CHRM2: variants seen among roughly 807,000 people sequenced by gnomAD.
CHRM2 encodes the protein cholinergic receptor muscarinic 2, also known as muscarinic acetylcholine receptor M2.
Under a neutral mutation model 25.0 loss-of-function variants are expected in CHRM2, and 8 were observed. That is an observed-to-expected ratio of 0.32 (90% CI 0.19 to 0.58). The LOEUF is 0.58. Among genes scored for constraint, CHRM2 ranks in the 20% least tolerant of loss-of-function variants. The probability of loss-of-function intolerance (pLI) is 0.88; values close to 1 mark genes in which losing one functional copy is unlikely to be tolerated. For synonymous variants in CHRM2, 202 were observed against 205.7 expected, an observed-to-expected ratio of 0.98 and a Z score of 0.15; for missense variants, 440 against 567.1, an observed-to-expected ratio of 0.78 and a Z score of 2.28.
chr7:136,920,694 T>C (rs1425817893), intron 2 of CHRM2, among the ~76,000 whole-genome samples: 1 of 152,124 alleles, frequency 6.6e-6, no homozygotes, highest in East Asian at 1.9e-4. Context: ...CACCTTAAGC[T>C]CATCACACCT....
At chr7:136,944,727 G>A (rs1799970644) in intron 2 of CHRM2, among the ~76,000 whole-genome samples, 1 of 151,986 alleles carries the variant, frequency 6.6e-6, no homozygotes, top group African/African-American at 2.4e-5. Flanking sequence ...TCTACTTTTA[G>A]TTCTTTAAGG....
intron 2 of CHRM2, among the ~76,000 whole-genome samples, chr7:136,886,855 A>C (rs1332954525): frequency 6.6e-6 from 1 of 152,192 alleles, no homozygotes; most frequent in Non-Finnish European, 1.5e-5. Context: ...CCTGAGCAAC[A>C]GAGTGAGACC....
intron 3 of CHRM2, among the ~76,000 whole-genome samples, chr7:137,000,598 A>AGAAGGAAGGAAGG (rs1554434130): frequency 1.3e-5 from 2 of 151,050 alleles, no homozygotes; most frequent in African/African-American, 2.4e-5. Context: ...GAAGGGAAAA[A>AGAAGGAAGGAAGG]AAGCAAGTAA....
chr7:136,889,905 T>C (rs920877504), intron 2 of CHRM2, among the ~76,000 whole-genome samples: 1 of 152,222 alleles, frequency 6.6e-6, no homozygotes, highest in Admixed American at 6.5e-5. Context: ...ATTTCACAAA[T>C]ATAAAGCACA....
chr7:136,924,457 C>T (rs1304475792), intron 2 of CHRM2, among the ~76,000 whole-genome samples: 2 of 149,290 alleles, frequency 1.3e-5, no homozygotes, highest in Admixed American at 1.3e-4. Context: ...TGAGAACATG[C>T]GTTGTTTGGT....
At chr7:136,929,289 A>T (rs1363926003) in intron 2 of CHRM2, among the ~76,000 whole-genome samples, 1 of 151,474 alleles carries the variant, frequency 6.6e-6, no homozygotes, top group Non-Finnish European at 1.5e-5. Context: ...TTTTTAATGA[A>T]CAGAGCAAAG....
At chr7:136,889,574 T>C (rs189021836) in intron 2 of CHRM2, among the ~76,000 whole-genome samples, 230 of 152,346 alleles carry the variant, frequency 1.5e-3, no homozygotes, top group African/African-American at 5.2e-3. Flanking sequence ...TCTCAGGACA[T>C]AACCCAATCC....
Position 137,015,708 on chromosome 7 carries a change from G to A in CHRM2, c.843G>A (p.Glu281=). Residue 281 remains glutamate (E), a synonymous_variant, in exon 4 of 4, where the codon GAG becomes GAA. Coordinates refer to ENST00000680005, the MANE Select transcript of CHRM2 (RefSeq NM_001006630.2). This position sits in a 1 kb window ranked among gnomAD's most constrained non-coding sequence, Gnocchi z 5.1. Reference sequence around the variant, plus strand: ...ACTGTGTTCAGGGAGAGGAGAAGGAGAGCTCCAATGACTCCACCTCAGTCA... The same window carrying A: ...ACTGTGTTCAGGGAGAGGAGAAGGAAAGCTCCAATGACTCCACCTCAGTCA... ...TENCVQGEEK[E]SSNDSTSVSA... The A allele has an allele frequency of 1.2e-6, 2 of 1,613,260 alleles. No individual in the cohort carries two copies. The highest frequency in any genetic ancestry group is 1.7e-6 in the Non-Finnish European group (2 of 1,179,576).
rs398006503 is a variant in CHRM2, at chr7:136,921,794, C to CTTTTTTTTT, written c.-125+52384_-125+52385insTTTTTTTTT. On this transcript the variant is annotated intron_variant, in intron 2 of 3. Coordinates refer to ENST00000680005, the MANE Select transcript of CHRM2 (RefSeq NM_001006630.2). ...TCTTTCTTTCTTTCTTTCTTTCTTT[C>CTTTTTTTTT]TTTTTTTTGAGACAGATTCTCACTC... is the stretch of plus-strand genomic sequence containing the variant. 7.7e-5 allele frequency among the ~76,000 whole-genome samples: 9 copies of CTTTTTTTTT among 116,630 alleles called. 1 individual carries two copies. Among genetic ancestry groups the CTTTTTTTTT allele is most frequent in the South Asian group, 7.5e-4 (3 of 4,008 alleles). The allele number at this position is 116,630 out of a possible 152,430, so 76.5% of individuals were successfully genotyped here.
chr7:136,935,615 C>T (rs1799368470), intron 2 of CHRM2, among the ~76,000 whole-genome samples: 1 of 152,140 alleles, frequency 6.6e-6, no homozygotes, highest in African/African-American at 2.4e-5. Context: ...GATTAAGTGG[C>T]CCCACTCTGC....
At chr7:136,913,625 ATTTT>A (rs956244948) in intron 2 of CHRM2, among the ~76,000 whole-genome samples, 1 of 151,794 alleles carries the variant, frequency 6.6e-6, no homozygotes, top group African/African-American at 2.4e-5. Flanking sequence ...AAACCTAGTA[ATTTT>A]TTTTGAGACG....
intron 3 of CHRM2, among the ~76,000 whole-genome samples, chr7:137,012,361 C>A (rs1425120753): frequency 6.6e-6 from 1 of 151,790 alleles, no homozygotes; most frequent in Non-Finnish European, 1.5e-5. Flanking sequence ...TGATTAATTG[C>A]AAAAAAGGAT....
intron 3 of CHRM2, among the ~76,000 whole-genome samples, chr7:137,011,912 C>A (rs552566636): frequency 5.1e-4 from 77 of 152,126 alleles, no homozygotes; most frequent in Non-Finnish European, 9.6e-4. Context: ...GAATTTTAAT[C>A]TTTCAGGATT....
At chr7:136,904,523 T>A (rs1797427116) in intron 2 of CHRM2, among the ~76,000 whole-genome samples, 1 of 151,914 alleles carries the variant, frequency 6.6e-6, no homozygotes, top group Non-Finnish European at 1.5e-5. Context: ...TTTCTCATGC[T>A]TTTTTGCCAG....
chr7:137,003,480 A>G (rs1159443644), intron 3 of CHRM2, among the ~76,000 whole-genome samples: 4 of 108 alleles, frequency 0.037, no homozygotes, highest in African/African-American at 0.11. Context: ...GCATACACAC[A>G]CACACACACA....
chr7:136,900,785 G>A (rs552865460), intron 2 of CHRM2, among the ~76,000 whole-genome samples: 20 of 151,986 alleles, frequency 1.3e-4, no homozygotes, highest in Middle Eastern at 3.4e-3. Context: ...TTGGTTTTCC[G>A]TATGTGCAGG....
chr7:136,905,730 C>T (rs1797500223), intron 2 of CHRM2, among the ~76,000 whole-genome samples: 2 of 151,278 alleles, frequency 1.3e-5, no homozygotes, highest in South Asian at 2.1e-4. Flanking sequence ...GTTTAATTCT[C>T]TCATATTTTC....
In CHRM2 at chr7:136,942,036, C is replaced by A. The variant is rs140598105; in HGVS notation, c.-124-50151C>A. 4.6e-3 allele frequency among the ~76,000 whole-genome samples: 707 copies of A among 152,146 alleles called. 8 individuals carry two copies. Among genetic ancestry groups the A allele is most frequent in the African/African-American group, 0.016 (667 of 41,490 alleles). The stretch of plus-strand genomic sequence containing the variant: ...TTATGAAAATAATGAACTGGAAACA[C>A]CTGTTCAGCCTGTAGAGTTACAGCC... On this transcript the variant is annotated intron_variant, in intron 2 of 3. Transcript: ENST00000680005.
intron 2 of CHRM2, among the ~76,000 whole-genome samples, chr7:136,980,208 T>A (rs548633054): frequency 2.6e-5 from 4 of 152,238 alleles, no homozygotes; most frequent in Non-Finnish European, 5.9e-5. Context: ...TTTGTAGCAG[T>A]TGTGAATGGG....
Sources: allele counts gnomAD v4.1 joint callset (sites outside exome capture counted in the v4.1 genomes callset), GRCh38; gene constraint gnomAD v4.1.1; non-coding constraint Gnocchi (gnomAD v3.1); transcripts MANE v1.5; gene names NCBI Gene and HGNC (gene_info 2026-07-23, HGNC 2026-07-21).